Variants in ENOX1 observed in about 807,000 individuals in gnomAD.
ENOX1 encodes ecto-NOX disulfide-thiol exchanger 1.
In ENOX1, 42 loss-of-function variants were observed where a neutral mutation model predicts 82.5. The ratio of observed to expected loss-of-function variants is 0.51; its 90% CI spans 0.40 to 0.66. The LOEUF (loss-of-function observed/expected upper bound fraction) is 0.66, where lower values mean the gene tolerates loss of function less well. Among genes scored for constraint, ENOX1 ranks in the 30% least tolerant of loss-of-function variants. ENOX1 has a pLI of 0.00. For missense variants in ENOX1, 608 were observed against 811.6 expected, an observed-to-expected ratio of 0.75 and a Z score of 3.05; for synonymous variants, 271 against 282.2, an observed-to-expected ratio of 0.96 and a Z score of 0.40.
chr13:43,713,815 T>C lies in ENOX1; in HGVS notation c.-284-46271A>G, dbSNP rs1231848170. Among the ~76,000 whole-genome samples the C allele has an allele frequency of 1.1e-4, 17 of 151,880 alleles. No homozygotes were observed. The East Asian group carries it at 3.3e-3, about 29-fold the overall frequency. ...TGATTCTTCTCTCTTTTCTTCTTTA[T>C]TAGTCTTGCTAGCGGTCTATCAATT... On this transcript the variant is annotated intron_variant, in intron 1 of 16. Transcript: ENST00000690772.
At chr13:43,288,736 T>C (rs1486109855) in intron 12 of ENOX1, among the ~76,000 whole-genome samples, 1 of 152,210 alleles carries the variant, frequency 6.6e-6, no homozygotes, top group Admixed American at 6.5e-5. Context: ...TTTTTGAGGC[T>C]CATGAACTCT....
intron 2 of ENOX1, among the ~76,000 whole-genome samples, chr13:43,658,014 T>A (rs1407722280): frequency 2.0e-5 from 3 of 152,180 alleles, no homozygotes; most frequent in Admixed American, 1.3e-4. Context: ...CTTGTTTTTT[T>A]AAAAATCACT....
chr13:43,375,398 G>A (rs2051555560), intron 5 of ENOX1, among the ~76,000 whole-genome samples: 1 of 152,184 alleles, frequency 6.6e-6, no homozygotes, highest in Non-Finnish European at 1.5e-5. Flanking sequence ...AAACTGAGAA[G>A]CAGAGTGGCA....
At chr13:43,771,815 A>G (rs1169773016) in intron 1 of ENOX1, among the ~76,000 whole-genome samples, 2 of 150,412 alleles carry the variant, frequency 1.3e-5, no homozygotes, top group Non-Finnish European at 3.0e-5. Context: ...CCCAGGTTGG[A>G]GTGCAGTGGC....
chr13:43,756,345 A>C (rs1183282729), intron 1 of ENOX1, among the ~76,000 whole-genome samples: 1 of 151,382 alleles, frequency 6.6e-6, no homozygotes, highest in African/African-American at 2.4e-5. Flanking sequence ...TGGGAGAATC[A>C]CCTGAGTCTT....
intron 11 of ENOX1, among the ~76,000 whole-genome samples, chr13:43,311,569 T>C (rs1167633002): frequency 6.6e-6 from 1 of 152,122 alleles, no homozygotes; most frequent in Non-Finnish European, 1.5e-5. Context: ...TGGCTATGAC[T>C]TCGGAGGGCA....
chr13:43,748,852 T>A (rs1017757068), intron 1 of ENOX1, among the ~76,000 whole-genome samples: 1 of 152,196 alleles, frequency 6.6e-6, no homozygotes, highest in African/African-American at 2.4e-5. Context: ...TATTCTATAA[T>A]TAAAAGATAA....
At chr13:43,226,383 T>C (rs887262685) in intron 15 of ENOX1, among the ~76,000 whole-genome samples, 2 of 152,212 alleles carry the variant, frequency 1.3e-5, no homozygotes, top group African/African-American at 4.8e-5. Context: ...TCAGGGTAAT[T>C]TGCATGGCCA....
At chr13:43,620,322 C>T (rs1044772245) in intron 2 of ENOX1, among the ~76,000 whole-genome samples, 2 of 151,696 alleles carry the variant, frequency 1.3e-5, no homozygotes, top group African/African-American at 4.8e-5. Flanking sequence ...TCTCTAGTTC[C>T]TTAAAGTATG....
chr13:43,342,134 T>G (rs1485427645), intron 9 of ENOX1, among the ~76,000 whole-genome samples: 9 of 152,132 alleles, frequency 5.9e-5, no homozygotes, highest in Admixed American at 3.9e-4. Flanking sequence ...CACATCTGGA[T>G]TTTACTGTGT....
intron 2 of ENOX1, among the ~76,000 whole-genome samples, chr13:43,605,188 T>G (rs2081926390): frequency 6.6e-6 from 1 of 152,128 alleles, no homozygotes; most frequent in South Asian, 2.1e-4. Context: ...AGATATTTCA[T>G]GTGCATGGGC....
intron 2 of ENOX1, among the ~76,000 whole-genome samples, chr13:43,653,823 G>A (rs2084305700): frequency 6.6e-6 from 1 of 152,096 alleles, no homozygotes; most frequent in Non-Finnish European, 1.5e-5. Flanking sequence ...GGGATAAGGT[G>A]CTAACATGGC....
chr13:43,277,807 G>GA (rs1019190109), intron 12 of ENOX1, among the ~76,000 whole-genome samples: 1 of 151,960 alleles, frequency 6.6e-6, no homozygotes, highest in African/African-American at 2.4e-5. Context: ...CAGAGAAAAG[G>GA]AAAAAAATCC....
chr13:43,674,589 G>A (rs983584268), intron 1 of ENOX1, among the ~76,000 whole-genome samples: 1 of 152,094 alleles, frequency 6.6e-6, no homozygotes, highest in Non-Finnish European at 1.5e-5. Context: ...GGGAGGGAAG[G>A]GAGGGAGGAA....
chr13:43,419,714 G>T (rs2054860408), intron 3 of ENOX1, among the ~76,000 whole-genome samples: 1 of 152,206 alleles, frequency 6.6e-6, no homozygotes, highest in Admixed American at 6.5e-5. Flanking sequence ...GCTCATGCCT[G>T]TAATGCCAGC....
chr13:43,236,511 G>A, intron 15 of ENOX1, 125 bp downstream of exon 15: 1 of 579,868 alleles, frequency 1.7e-6, no homozygotes, highest in East Asian at 3.4e-5. Flanking sequence ...TAATCTTGAT[G>A]AAATTAATCT....
At chr13:43,492,122 C>A (rs1402490520) in intron 2 of ENOX1, among the ~76,000 whole-genome samples, 1 of 152,214 alleles carries the variant, frequency 6.6e-6, no homozygotes, top group Non-Finnish European at 1.5e-5. Flanking sequence ...TATGGCGAGG[C>A]CCATTTGGAA....
At chr13:43,768,951 C>T (rs1262837745) in intron 1 of ENOX1, among the ~76,000 whole-genome samples, 1 of 152,220 alleles carries the variant, frequency 6.6e-6, no homozygotes, top group Non-Finnish European at 1.5e-5. Context: ...CAATACTTAA[C>T]ACTGTGTTGC....
At chr13:43,501,127 C>T (rs1008224646) in intron 2 of ENOX1, among the ~76,000 whole-genome samples, 1 of 151,338 alleles carries the variant, frequency 6.6e-6, no homozygotes, top group Admixed American at 6.6e-5. Context: ...AAGAGAAGAA[C>T]TTTAAATTTA....
Sources: gnomAD v4.1 joint callset for allele counts (sites outside exome capture counted in the v4.1 genomes callset) on GRCh38, gnomAD v4.1.1 for gene constraint, MANE v1.5 for transcripts, NCBI Gene and HGNC (gene_info 2026-07-23, HGNC 2026-07-21) for gene names.